Variants in TICRR observed in about 807,000 individuals in gnomAD.
The protein encoded by TICRR is treslin.
A neutral mutation model predicts 178.1 loss-of-function variants in TICRR; 132 were observed. The observed-to-expected ratio is 0.74, with a 90% CI of 0.64 to 0.86. The LOEUF (loss-of-function observed/expected upper bound fraction) is 0.86. TICRR is among the 40% of genes least tolerant of loss of function. The probability of loss-of-function intolerance (pLI) is 0.00; values close to 1 mark genes in which losing one functional copy is unlikely to be tolerated. For missense variants in TICRR, 2,587 were observed against 2,334.3 expected (o/e 1.11, Z -2.23); for synonymous variants, 991 against 900.7 (o/e 1.10, Z -1.79).
Position 89,619,778 on chromosome 15 carries a change from T to G in TICRR, c.3090T>G (p.Tyr1030Ter). The G allele has an allele frequency of 6.2e-7, 1 of 1,614,046 alleles. No individual in the cohort carries two copies. Among genetic ancestry groups the G allele is most frequent in the Non-Finnish European group, 8.5e-7 (1 of 1,179,990 alleles). Residue 1030 changes from tyrosine to a stop codon, truncating the protein, a stop_gained, in exon 18 of 22, where the codon TAT (tyrosine) becomes TAG (stop). Coordinates refer to ENST00000268138, the MANE Select transcript of TICRR (RefSeq NM_152259.4). LOFTEE classifies it high-confidence loss of function. ...SFSRTHSASF[Y>*]SVSQPKSRSV... is the part of the protein sequence containing the mutation. ...GCAGGACACATTCTGCCTCCTTCTA[T>G]TCTGTGTCTCAGCCGAAGTCTCGAA...
chr15:89,582,126 C>G (rs1962736887), intron 1 of TICRR: 1 of 152,450 alleles, frequency 6.6e-6, no homozygotes, highest in Non-Finnish European at 1.5e-5. Context: ...GAGTTTGAGA[C>G]CAGCCTGGCC....
Position 89,601,469 on chromosome 15 carries a change from C to G in TICRR, c.2248-20C>G, listed in dbSNP as rs746275161. On this transcript the variant is annotated intron_variant, in intron 10 of 21. Coordinates refer to ENST00000268138, the MANE Select transcript of TICRR (RefSeq NM_152259.4). ...CCTGCAGAGGGCATCTATATAGTAACGTTCTAAAATCTCCTTCAGGTGACA... is the reference window on the plus strand; with the variant it reads ...CCTGCAGAGGGCATCTATATAGTAAGGTTCTAAAATCTCCTTCAGGTGACA... 6.2e-7 allele frequency: 1 copy of G among 1,613,720 alleles called. No individual in the cohort carries two copies. The highest frequency in any genetic ancestry group is 1.3e-5 in the African/African-American group (1 of 75,040).
At chr15:89,577,134 C>T (rs1404051226) in intron 1 of TICRR, among the ~76,000 whole-genome samples, 3 of 151,892 alleles carry the variant, frequency 2.0e-5, no homozygotes, top group East Asian at 1.9e-4. Context: ...TCAGGCAATC[C>T]GCCTGCCTTG....
At chr15:89,622,811 C>T (rs1596059225) in intron 19 of TICRR, among the ~76,000 whole-genome samples, 1 of 152,208 alleles carries the variant, frequency 6.6e-6, no homozygotes, top group African/African-American at 2.4e-5. Flanking sequence ...CCGCCACCAC[C>T]CCACCCACTT....
intron 7 of TICRR, 40 bp downstream of exon 7, chr15:89,595,651 C>CTT (rs1271772084): frequency 6.7e-7 from 1 of 1,482,960 alleles, no homozygotes; most frequent in African/African-American, 1.4e-5. Flanking sequence ...TTATACCCCG[C>CTT]TTTTTTAAAA....
rs182827322 is a variant in TICRR, at chr15:89,616,568, C to G, written c.2960+73C>G. 1.6e-5 allele frequency: 19 copies of G among 1,211,254 alleles called. No individual in the cohort carries two copies. In the South Asian group the frequency reaches 2.4e-4, roughly 15 times the overall value. The allele number at this position is 1,211,254 out of a possible 1,614,324, so 75.0% of individuals were successfully genotyped here. ...AAAGCGGCCTTGTGGGCCACTACTT[C>G]GCTTCTCTTGACCTTCATGACTTAA... On this transcript the variant is annotated intron_variant, in intron 16 of 21. Transcript: ENST00000268138.
At chr15:89,599,237 T>A in intron 7 of TICRR, 87 bp from the exon 8 acceptor site, 1 of 894,790 alleles carries the variant, frequency 1.1e-6, no homozygotes, top group East Asian at 5.0e-5. Context: ...CAAGGAAATA[T>A]TTTCCCCAGT....
intron 5 of TICRR, among the ~76,000 whole-genome samples, chr15:89,593,610 G>T (rs1390522727): frequency 6.6e-6 from 1 of 152,180 alleles, no homozygotes; most frequent in African/African-American, 2.4e-5. Flanking sequence ...GGAGGCTGAG[G>T]CACAAGATTC....
At chr15:89,576,738 ACCCT>A (rs1962621480) in intron 1 of TICRR, among the ~76,000 whole-genome samples, 1 of 148,844 alleles carries the variant, frequency 6.7e-6, no homozygotes, top group Non-Finnish European at 1.5e-5. Flanking sequence ...CACATCTCTC[ACCCT>A]CCATCTAGTC....
intron 13 of TICRR, among the ~76,000 whole-genome samples, chr15:89,604,914 C>A (rs1359529901): frequency 6.6e-6 from 1 of 152,024 alleles, no homozygotes; most frequent in East Asian, 1.9e-4. Flanking sequence ...AATCTCAGTT[C>A]TCTGAAGGAC....
chr15:89,601,644 G>C, intron 11 of TICRR, 76 bp downstream of exon 11: 2 of 1,608,512 alleles, frequency 1.2e-6, no homozygotes. Flanking sequence ...TCTGAATTTT[G>C]GAGTTGTAAG....
chr15:89,577,019 A>G (rs1962634979), intron 1 of TICRR, among the ~76,000 whole-genome samples: 2 of 151,714 alleles, frequency 1.3e-5, no homozygotes, highest in Non-Finnish European at 2.9e-5. Context: ...TCAGCCTCCC[A>G]AGTAGCTGAG....
chr15:89,618,196 C>T lies in TICRR; in HGVS notation c.3005C>T (p.Pro1002Leu), dbSNP rs1283068507. 6.2e-7 allele frequency: 1 copy of T among 1,614,108 alleles called. No individual in the cohort carries two copies. Among genetic ancestry groups the T allele is most frequent in the Non-Finnish European group, 8.5e-7 (1 of 1,180,012 alleles). The change falls in exon 17 of 22, where the codon CCT becomes CTT. Residue 1002 changes from proline to leucine, a missense_variant. Coordinates refer to ENST00000268138, the MANE Select transcript of TICRR (RefSeq NM_152259.4). ...GATATTGGTGTTGTTGAAGAGTCCC[C>T]TGAAAAAGGAGATGGTGAGTGTTAT... is the stretch of plus-strand genomic sequence containing the variant. ...GPDIGVVEES[P>L]EKGDEISLRR...
Position 89,607,030 on chromosome 15 carries a change from TAAAAAC to T in TICRR, c.2722+216_2722+221del, listed in dbSNP as rs974918364. Among the ~76,000 whole-genome samples the T allele has an allele frequency of 1.5e-4, 23 of 152,098 alleles. No individual in the cohort carries two copies. In the South Asian group the frequency reaches 1.7e-3, roughly 11 times the overall value. On this transcript the variant is annotated intron_variant, in intron 14 of 21. Coordinates refer to ENST00000268138, the MANE Select transcript of TICRR (RefSeq NM_152259.4). ...TACAAAATAACTGGTCTGAAATCTT[TAAAAAC>T]AAAAACAAAATTAAAAAAAACATCA...
intron 5 of TICRR, among the ~76,000 whole-genome samples, chr15:89,593,431 A>G (rs910767416): frequency 6.6e-6 from 1 of 152,180 alleles, no homozygotes; most frequent in Non-Finnish European, 1.5e-5. Flanking sequence ...CAGGCCCGGC[A>G]TGGTGGCTCA....
In TICRR at chr15:89,575,474, T is replaced by A. The variant is rs1962591570; in HGVS notation, c.-113T>A. 1.8e-6 allele frequency: 2 copies of A among 1,122,128 alleles called. No individual in the cohort carries two copies. The highest frequency in any genetic ancestry group is 2.9e-5 in the East Asian group (1 of 34,442). The allele number at this position is 1,122,128 out of a possible 1,614,324, so 69.5% of individuals were successfully genotyped here. A position where few individuals can be genotyped will look rare whatever the true frequency, so the allele number is the denominator to read the frequency against. ...CAGTTCCTGGAGAGCGCGGGAGCCT[T>A]TCGACCAGGGTCCCAAAGGAAAGCA... is the stretch of plus-strand genomic sequence containing the variant. On this transcript the variant is annotated 5_prime_UTR_variant, in exon 1 of 22. Coordinates refer to ENST00000268138, the MANE Select transcript of TICRR (RefSeq NM_152259.4).
rs114927790 is a variant in TICRR, at chr15:89,615,132, T to A, written c.2870-1273T>A. Among the ~76,000 whole-genome samples the A allele has an allele frequency of 1.2e-3, 184 of 152,358 alleles. 1 individual carries two copies. Among genetic ancestry groups the A allele is most frequent in the African/African-American group, 4.3e-3 (177 of 41,584 alleles). On this transcript the variant is annotated intron_variant, in intron 15 of 21. Coordinates refer to ENST00000268138, the MANE Select transcript of TICRR (RefSeq NM_152259.4). ...TTGGCCAGCTTGTTATTGCACCAAA[T>A]GTTACCACCACCTCAGGCAGCTGTA...
intron 1 of TICRR, among the ~76,000 whole-genome samples, chr15:89,578,539 T>A (rs1962665196): frequency 6.6e-6 from 1 of 152,196 alleles, no homozygotes; most frequent in African/African-American, 2.4e-5. Flanking sequence ...TGATATCACA[T>A]CAAAGACTTT....
At chr15:89,589,363 G>A (rs780538258) in intron 4 of TICRR, among the ~76,000 whole-genome samples, 1 of 152,178 alleles carries the variant, frequency 6.6e-6, no homozygotes, top group Non-Finnish European at 1.5e-5. Context: ...TGCCCATGTC[G>A]GCGTGGAGAC....
Sources: gnomAD v4.1 joint callset for allele counts (sites outside exome capture counted in the v4.1 genomes callset) on GRCh38, gnomAD v4.1.1 for gene constraint, MANE v1.5 for transcripts, NCBI Gene and HGNC (gene_info 2026-07-23, HGNC 2026-07-21) for gene names.